Variants in TRIP12 observed in about 807,000 individuals in gnomAD.
TRIP12 encodes thyroid hormone receptor interactor 12.
TRIP12 carries 25 observed loss-of-function variants against 244.2 expected under a neutral mutation model. The observed-to-expected ratio is 0.10, with a 90% CI of 0.07 to 0.14. The LOEUF is 0.14. Ranked by LOEUF, TRIP12 falls within the 10% of genes least tolerant of loss-of-function variation. The probability of loss-of-function intolerance (pLI) is 1.00; values close to 1 mark genes in which losing one functional copy is unlikely to be tolerated. For missense variants in TRIP12, 1,677 were observed against 2,486.4 expected (o/e 0.67, Z 6.92); for synonymous variants, 905 against 873.1 (o/e 1.04, Z -0.64).
At chr2:229,798,118 C>A (rs1279412972) in intron 23 of TRIP12, among the ~76,000 whole-genome samples, 1 of 152,160 alleles carries the variant, frequency 6.6e-6, no homozygotes, top group African/African-American at 2.4e-5. Flanking sequence ...CCTAAGTGTT[C>A]CCTTTACTTC....
At chr2:229,840,435 C>T (rs2056111416) in intron 5 of TRIP12, among the ~76,000 whole-genome samples, 1 of 152,166 alleles carries the variant, frequency 6.6e-6, no homozygotes, top group Admixed American at 6.5e-5. Context: ...GGCACGGTGG[C>T]TCACGCCTGT....
chr2:229,889,268 C>T lies in TRIP12; in HGVS notation c.-49-9140G>A, dbSNP rs549460172. 9.2e-5 allele frequency among the ~76,000 whole-genome samples: 14 copies of T among 152,268 alleles called. No homozygotes were observed. The South Asian group carries it at 2.5e-3, about 27-fold the overall frequency. ...AAAGAAGAAAGGAGGTAACCCTTCA[C>T]AAGGAGGTCCAAAATAGACCAAAAA... is the stretch of plus-strand genomic sequence containing the variant. On this transcript the variant is annotated intron_variant, in intron 1 of 41. Transcript: ENST00000675903.
intron 1 of TRIP12, among the ~76,000 whole-genome samples, chr2:229,894,640 T>A (rs561164680): frequency 1.3e-5 from 2 of 152,318 alleles, no homozygotes; most frequent in African/African-American, 4.8e-5. Context: ...AGAAAATCTA[T>A]ACCTGAGAAT....
intron 21 of TRIP12, among the ~76,000 whole-genome samples, chr2:229,799,756 T>C (rs368363250): frequency 1.7e-4 from 25 of 149,986 alleles, no homozygotes; most frequent in East Asian, 9.8e-4. Context: ...GCCTGGGAGA[T>C]AGTGAGACTC....
intron 21 of TRIP12, 112 bp from the exon 22 acceptor site, chr2:229,799,495 G>T: frequency 3.1e-6 from 3 of 956,538 alleles, no homozygotes; most frequent in Non-Finnish European, 4.9e-6. Flanking sequence ...AATACTGTCA[G>T]GCCGGGCGCG....
At chr2:229,908,988 G>C (rs1221015707) in intron 1 of TRIP12, among the ~76,000 whole-genome samples, 1 of 150,688 alleles carries the variant, frequency 6.6e-6, no homozygotes, top group Admixed American at 6.6e-5. Flanking sequence ...TACTGAGGAG[G>C]CTGAGGCAGG....
chr2:229,812,101 A>ATT (rs1020585589), intron 13 of TRIP12, among the ~76,000 whole-genome samples: 7 of 152,150 alleles, frequency 4.6e-5, no homozygotes, highest in East Asian at 3.9e-4. Context: ...TATTATTATT[A>ATT]TTTTTGAGAC....
intron 3 of TRIP12, among the ~76,000 whole-genome samples, chr2:229,859,901 T>C (rs2060186313): frequency 6.6e-6 from 1 of 152,178 alleles, no homozygotes; most frequent in Admixed American, 6.5e-5. Context: ...GCCAGAATAT[T>C]GATGCCCTAT....
chr2:229,920,958 A>T (rs1337502375), intron 1 of TRIP12, among the ~76,000 whole-genome samples: 1 of 152,212 alleles, frequency 6.6e-6, no homozygotes, highest in Non-Finnish European at 1.5e-5. Flanking sequence ...TAATCCACAT[A>T]TAAATAAATT....
At chr2:229,793,333 G>T in intron 26 of TRIP12, 188 bp from the exon 27 acceptor site, 1 of 501,134 alleles carries the variant, frequency 2.0e-6, no homozygotes, top group Non-Finnish European at 3.4e-6. Flanking sequence ...TTATACGTAA[G>T]AAATAAAAGA....
Position 229,799,388 on chromosome 2 carries a change from C to T in TRIP12, c.3207-5G>A, listed in dbSNP as rs2043626685. 6.2e-7 allele frequency: 1 copy of T among 1,613,280 alleles called. No individual in the cohort carries two copies. Among genetic ancestry groups the T allele is most frequent in the African/African-American group, 1.3e-5 (1 of 74,872 alleles). The stretch of plus-strand genomic sequence containing the variant: ...TTTAGAACATCACTTAATCGACTGT[C>T]CATGGGAAAATATGAGATAAGTTTA... On this transcript the variant is annotated splice_region_variant and splice_polypyrimidine_tract_variant and intron_variant, in intron 21 of 41. Coordinates refer to ENST00000675903, the MANE Select transcript of TRIP12 (RefSeq NM_001348323.3).
intron 34 of TRIP12, among the ~76,000 whole-genome samples, chr2:229,783,734 A>G (rs775238280): frequency 6.6e-6 from 1 of 152,028 alleles, no homozygotes; most frequent in African/African-American, 2.4e-5. Context: ...AAATCCTGTC[A>G]AACTTTTTGT....
intron 1 of TRIP12, among the ~76,000 whole-genome samples, chr2:229,915,473 G>A (rs2075200815): frequency 1.3e-5 from 2 of 152,080 alleles, no homozygotes; most frequent in Admixed American, 6.5e-5. Context: ...AGGACATTAA[G>A]CCATTACAAA....
chr2:229,777,934 G>A (rs557319524), intron 36 of TRIP12, among the ~76,000 whole-genome samples: 1 of 152,182 alleles, frequency 6.6e-6, no homozygotes, highest in African/African-American at 2.4e-5. Flanking sequence ...CAATGTGAGA[G>A]GACTGCTTGA....
chr2:229,906,363 T>C (rs950145492), intron 1 of TRIP12, among the ~76,000 whole-genome samples: 1 of 150,974 alleles, frequency 6.6e-6, no homozygotes, highest in Non-Finnish European at 1.5e-5. Context: ...TGAATCTTTC[T>C]TCATCAGGTT....
chr2:229,870,324 G>A (rs1301725407), intron 2 of TRIP12, among the ~76,000 whole-genome samples: 1 of 152,194 alleles, frequency 6.6e-6, no homozygotes, highest in East Asian at 1.9e-4. Flanking sequence ...TAAGCCTTAA[G>A]GCACAGGGAA....
At chr2:229,809,043 G>T (rs573275552) in intron 15 of TRIP12, among the ~76,000 whole-genome samples, 1 of 152,166 alleles carries the variant, frequency 6.6e-6, no homozygotes, top group South Asian at 2.1e-4. Flanking sequence ...ACACAGCTGG[G>T]TCTTTGCTGA....
At chr2:229,908,501 T>TGA (rs1230135349) in intron 1 of TRIP12, among the ~76,000 whole-genome samples, 2 of 152,016 alleles carry the variant, frequency 1.3e-5, no homozygotes, top group African/African-American at 4.8e-5. Context: ...TCCCAGCACT[T>TGA]TGGGAGGCCG....
chr2:229,783,909 G>C (rs1161304211), intron 34 of TRIP12, among the ~76,000 whole-genome samples: 4 of 151,230 alleles, frequency 2.6e-5, no homozygotes, highest in Non-Finnish European at 5.9e-5. Context: ...TCAGGAGTTC[G>C]AGACCAGCCT....
Sources: allele counts gnomAD v4.1 joint callset (sites outside exome capture counted in the v4.1 genomes callset), GRCh38; gene constraint gnomAD v4.1.1; transcripts MANE v1.5; gene names NCBI Gene and HGNC (gene_info 2026-07-23, HGNC 2026-07-21).